Variants in HAUS6 observed in about 807,000 individuals in gnomAD.
HAUS6 encodes HAUS augmin like complex subunit 6.
A neutral mutation model predicts 106.8 loss-of-function variants in HAUS6; 80 were observed. The ratio of observed to expected loss-of-function variants is 0.75; its 90% CI spans 0.63 to 0.90. HAUS6 has a LOEUF of 0.90. Ranked by LOEUF, HAUS6 falls within the 40% of genes least tolerant of loss-of-function variation. The pLI, the probability that HAUS6 is intolerant of heterozygous loss-of-function variation, is 0.00. For missense variants in HAUS6, 1,155 were observed against 1,118.1 expected (o/e 1.03, Z -0.47); for synonymous variants, 356 against 379.1 (o/e 0.94, Z 0.71).
intron 5 of HAUS6, among the ~76,000 whole-genome samples, chr9:19,087,495 A>G (rs1837325092): frequency 6.6e-6 from 1 of 152,212 alleles, no homozygotes; most frequent in Non-Finnish European, 1.5e-5. Flanking sequence ...AAAGGATTCT[A>G]TAGCTTTAGT....
rs144712054 is a variant in HAUS6, at chr9:19,101,087, C to T, written c.128+1437G>A. On this transcript the variant is annotated intron_variant, in intron 1 of 16. Coordinates refer to ENST00000380502, the MANE Select transcript of HAUS6 (RefSeq NM_017645.5). ...GTATTTTAAAATAGCTAGAAAAGAACTGAAATGTTTCCAACACAAAGGAAA... is the reference window on the plus strand; with the variant it reads ...GTATTTTAAAATAGCTAGAAAAGAATTGAAATGTTTCCAACACAAAGGAAA... Among the ~76,000 whole-genome samples, 718 of 152,286 alleles carry T rather than the reference C, an allele frequency of 4.7e-3. 1 individual carries two copies. The highest frequency in any genetic ancestry group is 0.016 in the African/African-American group (673 of 41,568).
At chr9:19,083,724 C>T (rs112795793) in intron 7 of HAUS6, among the ~76,000 whole-genome samples, 1,602 of 151,494 alleles carry the variant, frequency 0.011, 19 homozygotes, top group Middle Eastern at 0.034. Context: ...ATGGTGTGAA[C>T]CCGGCAGGCG....
At chr9:19,094,239 T>C in intron 3 of HAUS6, 78 bp downstream of exon 3, 1 of 782,386 alleles carries the variant, frequency 1.3e-6, no homozygotes, top group Non-Finnish European at 2.2e-6. Flanking sequence ...TAAAAGGATT[T>C]CACCTCTAAA....
intron 12 of HAUS6, among the ~76,000 whole-genome samples, chr9:19,069,872 G>C (rs1480930930): frequency 6.6e-6 from 1 of 152,108 alleles, no homozygotes; most frequent in South Asian, 2.1e-4. Flanking sequence ...CCGGCAGGAG[G>C]ATCACTTGAG....
At chr9:19,086,335 G>A (rs1209607140) in intron 7 of HAUS6, among the ~76,000 whole-genome samples, 3 of 121,616 alleles carry the variant, frequency 2.5e-5, no homozygotes, top group Non-Finnish European at 3.5e-5. Flanking sequence ...GGAAGGGGAA[G>A]GGAGGCTGGG....
At chr9:19,057,630 T>G (rs946648554) in intron 16 of HAUS6, 2 of 329,022 alleles carry the variant, frequency 6.1e-6, no homozygotes, top group African/African-American at 4.2e-5. Context: ...ATATTTAAAA[T>G]TGGGTTTCTC....
intron 12 of HAUS6, among the ~76,000 whole-genome samples, chr9:19,064,035 T>C (rs1020100493): frequency 6.6e-6 from 1 of 151,756 alleles, no homozygotes; most frequent in Admixed American, 6.6e-5. Flanking sequence ...TGGCGCGATC[T>C]TGGCTCACCA....
chr9:19,063,240 G>T, intron 13 of HAUS6, 47 bp from the exon 14 acceptor site: 1 of 1,245,162 alleles, frequency 8.0e-7, no homozygotes, highest in Non-Finnish European at 1.1e-6. Context: ...AATCATGGCT[G>T]ATCCTGAAGC....
chr9:19,058,059 C>G lies in HAUS6; in HGVS notation c.2708G>C (p.Arg903Thr), dbSNP rs1434102885. ...AATTAGTGGTGAAAGAGACCGTTTT[C>G]TTTCACCGATGGACGTGCGTAAAGA... ...KPSLRTSIGERKRSLSPLIKF... is the reference protein window; with the variant it reads ...KPSLRTSIGETKRSLSPLIKF... The change falls in exon 16 of 17, where the codon AGA becomes ACA. Residue 903 changes from arginine to threonine, a missense_variant. Physicochemically the swap from Arg to Thr is moderately conservative, Grantham distance 71 (BLOSUM62 -1). Around this residue, in one of 3 missense-constraint regions of HAUS6, gnomAD observed 380 missense variants for 394.8 expected, o/e 0.96. Transcript: ENST00000380502. The G allele has an allele frequency of 5.0e-6, 8 of 1,613,766 alleles. No individual in the cohort carries two copies. The highest frequency in any genetic ancestry group is 1.3e-5 in the African/African-American group (1 of 75,024).
chr9:19,076,652 T>C lies in HAUS6; in HGVS notation c.1244A>G (p.Glu415Gly). ...MSPLSFDPAS[E>G]EVYAKSILCQ... Reference sequence around the variant, plus strand: ...AAGAATACTCTTTGCATACACTTCTTCTGAGGCAGGATCAAACGAAAGGGG... The same window carrying C: ...AAGAATACTCTTTGCATACACTTCTCCTGAGGCAGGATCAAACGAAAGGGG... Residue 415 changes from glutamate to glycine, a missense_variant, in exon 11 of 17, where the codon GAA (glutamate) becomes GGA (glycine). By Grantham distance (98) the Glu-to-Gly change is moderately conservative. Transcript: ENST00000380502. 6.3e-7 allele frequency: 1 copy of C among 1,596,336 alleles called. No homozygotes were observed. Among genetic ancestry groups the C allele is most frequent in the Non-Finnish European group, 8.6e-7 (1 of 1,164,676 alleles).
intron 13 of HAUS6, 75 bp from the exon 14 acceptor site, chr9:19,063,268 C>T: frequency 1.1e-6 from 1 of 932,866 alleles, no homozygotes. Context: ...ATTAGCAGTT[C>T]ACTGGTTATC....
rs1337831949 is a variant in HAUS6, at chr9:19,058,153, T to G, written c.2614A>C (p.Asn872His). 1 of 1,613,944 alleles carries G rather than the reference T, an allele frequency of 6.2e-7. No individual in the cohort carries two copies. The highest frequency in any genetic ancestry group is 1.1e-5 in the South Asian group (1 of 91,066). ...TTAAGCGTATCATCTGTTTGTACATTTTGGGGAGTAGGGCTCAATTCTGGT... is the reference window on the plus strand; with the variant it reads ...TTAAGCGTATCATCTGTTTGTACATGTTGGGGAGTAGGGCTCAATTCTGGT... Reference protein sequence around the residue: ...HKPELSPTPQNVQTDDTLNFL... With the variant: ...HKPELSPTPQHVQTDDTLNFL... The change falls in exon 16 of 17, where the codon AAT becomes CAT. Residue 872 changes from asparagine (N) to histidine (H), a missense_variant. Asn to His is a moderately conservative substitution (Grantham distance 68). Transcript: ENST00000380502.
Position 19,093,248 on chromosome 9 carries a change from C to G in HAUS6, c.359G>C (p.Gly120Ala). 6.2e-7 allele frequency: 1 copy of G among 1,609,712 alleles called. No homozygotes were observed. The change falls in exon 4 of 17, where the codon GGT becomes GCT. Residue 120 changes from glycine to alanine, a missense_variant. Around this residue, in one of 3 missense-constraint regions of HAUS6, gnomAD observed 761 missense variants for 690.0 expected, o/e 1.10. Transcript: ENST00000380502. ...QVVGSLFLSP[G>A]GPKFIHLMYH... The stretch of plus-strand genomic sequence containing the variant: ...CATCAGATGAATAAACTTAGGACCA[C>G]CAGGAGAAAGAAATAGTGAACCAAC...
intron 8 of HAUS6, among the ~76,000 whole-genome samples, chr9:19,081,679 T>C (rs944866970): frequency 2.7e-4 from 41 of 152,100 alleles, no homozygotes; most frequent in African/African-American, 9.2e-4. Flanking sequence ...CCGCAAGTGA[T>C]CTACCCTCCT....
At chr9:19,099,330 C>A (rs1262223197) in intron 1 of HAUS6, among the ~76,000 whole-genome samples, 2 of 151,934 alleles carry the variant, frequency 1.3e-5, no homozygotes, top group Admixed American at 1.3e-4. Flanking sequence ...ACACGCCCGG[C>A]TAATTTTTTG....
At chr9:19,089,657 A>C (rs1817703978) in intron 4 of HAUS6, 98 bp from the exon 5 acceptor site, 1 of 763,020 alleles carries the variant, frequency 1.3e-6, no homozygotes, top group South Asian at 1.9e-5. Flanking sequence ...GGTGGTATAC[A>C]ATCTCCCACT....
chr9:19,098,495 G>C (rs545217776), intron 1 of HAUS6, among the ~76,000 whole-genome samples: 116 of 150,974 alleles, frequency 7.7e-4, no homozygotes, highest in Non-Finnish European at 1.3e-3. Flanking sequence ...CTTCACCACT[G>C]TATAGCCAGG....
At chr9:19,068,925 GAACA>G (rs1468666840) in intron 12 of HAUS6, among the ~76,000 whole-genome samples, 2 of 152,042 alleles carry the variant, frequency 1.3e-5, no homozygotes, top group African/African-American at 4.8e-5. Context: ...GAGGAAGTTA[GAACA>G]AAATCCAGTT....
intron 4 of HAUS6, among the ~76,000 whole-genome samples, chr9:19,092,860 G>A (rs1002645109): frequency 2.0e-5 from 3 of 148,824 alleles, no homozygotes; most frequent in African/African-American, 7.4e-5. Context: ...GGGAGGCAGA[G>A]GTTGGAGTGA....
Sources: allele counts gnomAD v4.1 joint callset (sites outside exome capture counted in the v4.1 genomes callset), GRCh38; gene constraint gnomAD v4.1.1; regional missense constraint gnomAD v4.1.1; transcripts MANE v1.5; gene names NCBI Gene and HGNC (gene_info 2026-07-23, HGNC 2026-07-21).